Variants in ATXN7L1 observed in about 807,000 individuals in gnomAD.
ATXN7L1 encodes ataxin 7 like 1, also known as ataxin-7-like protein 1.
In ATXN7L1, 15 loss-of-function variants were observed where a neutral mutation model predicts 70.8. The observed-to-expected ratio is 0.21, with a 90% CI of 0.14 to 0.33. The LOEUF (loss-of-function observed/expected upper bound fraction) is 0.33. Among genes scored for constraint, ATXN7L1 ranks in the 10% least tolerant of loss-of-function variants. The probability of loss-of-function intolerance (pLI) is 1.00; values close to 1 mark genes in which losing one functional copy is unlikely to be tolerated. For synonymous variants in ATXN7L1, 440 were observed against 445.1 expected (o/e 0.99, Z 0.14); for missense variants, 975 against 1,097.1 (o/e 0.89, Z 1.57).
chr7:105,790,626 CT>C (rs1805020593), intron 2 of ATXN7L1, among the ~76,000 whole-genome samples: 1 of 150,670 alleles, frequency 6.6e-6, no homozygotes, highest in Non-Finnish European at 1.5e-5. Flanking sequence ...ATCTATCTAT[CT>C]ATCTATCTAT....
At chr7:105,776,494 C>T (rs985207650) in intron 3 of ATXN7L1, among the ~76,000 whole-genome samples, 5 of 33,242 alleles carry the variant, frequency 1.5e-4, no homozygotes, top group African/African-American at 9.1e-4. Flanking sequence ...AAACAAACAA[C>T]CCCCCCCCCA....
chr7:105,658,943 G>A (rs1801139261), intron 4 of ATXN7L1, among the ~76,000 whole-genome samples: 2 of 152,172 alleles, frequency 1.3e-5, no homozygotes, highest in Admixed American at 6.5e-5. Flanking sequence ...TCAAGACCAG[G>A]CTGGCTAAGA....
rs755702183 is a variant in ATXN7L1 at position 105,607,086 on chromosome 7, T to C, written c.*766A>G. On this transcript the variant is annotated 3_prime_UTR_variant, in exon 12 of 12. Transcript: ENST00000419735. ...TTTAGGGATCATCTCCTACCCACCATGCTCTGCTTGCTGCCACCTTCCCAA... is the reference window on the plus strand; with the variant it reads ...TTTAGGGATCATCTCCTACCCACCACGCTCTGCTTGCTGCCACCTTCCCAA... 1.3e-5 allele frequency: 2 copies of C among 153,020 alleles called. No homozygotes were observed. The highest frequency in any genetic ancestry group is 6.5e-5 in the Admixed American group (1 of 15,296). The allele number at this position is 153,020 out of a possible 1,614,324, so 9.5% of individuals were successfully genotyped here. A position where few individuals can be genotyped will look rare whatever the true frequency, so the allele number is the denominator to read the frequency against.
intron 4 of ATXN7L1, among the ~76,000 whole-genome samples, chr7:105,659,266 A>G (rs989086519): frequency 5.3e-5 from 8 of 152,256 alleles, no homozygotes; most frequent in African/African-American, 1.9e-4. Context: ...ATTCTAGACA[A>G]AAGGTCAGCC....
chr7:105,848,187 G>A (rs375887604), intron 2 of ATXN7L1, among the ~76,000 whole-genome samples: 2 of 152,162 alleles, frequency 1.3e-5, no homozygotes, highest in East Asian at 1.9e-4. Flanking sequence ...ACTAAAATAA[G>A]ATAACATTTG....
intron 3 of ATXN7L1, among the ~76,000 whole-genome samples, chr7:105,676,668 C>T (rs557716557): frequency 2.2e-4 from 33 of 152,210 alleles, no homozygotes; most frequent in African/African-American, 5.1e-4. Context: ...GGGAAAACTC[C>T]GTCTCTACTA....
intron 9 of ATXN7L1, among the ~76,000 whole-genome samples, chr7:105,616,806 G>A (rs540498290): frequency 3.3e-5 from 5 of 152,296 alleles, no homozygotes; most frequent in African/African-American, 1.2e-4. Context: ...TTCTTAGAGG[G>A]GGAGGAACCT....
At chr7:105,624,666 A>AAG in intron 7 of ATXN7L1, among the ~76,000 whole-genome samples, 1 of 150,714 alleles carries the variant, frequency 6.6e-6, no homozygotes, top group African/African-American at 2.4e-5. Flanking sequence ...AAAAAAAAAA[A>AAG]CAGCCTGATT....
chr7:105,710,693 G>A (rs925284356), intron 3 of ATXN7L1, among the ~76,000 whole-genome samples: 5 of 152,140 alleles, frequency 3.3e-5, no homozygotes, highest in Admixed American at 2.6e-4. Flanking sequence ...TTGCAGGCAT[G>A]AGCCACCACA....
intron 2 of ATXN7L1, among the ~76,000 whole-genome samples, chr7:105,798,830 T>C (rs1419695147): frequency 6.6e-6 from 1 of 152,174 alleles, no homozygotes; most frequent in Non-Finnish European, 1.5e-5. Context: ...TTTTCTTCTA[T>C]TTGGATGAAA....
chr7:105,771,514 A>C (rs1190899273), intron 3 of ATXN7L1, among the ~76,000 whole-genome samples: 1 of 152,174 alleles, frequency 6.6e-6, no homozygotes, highest in African/African-American at 2.4e-5. Flanking sequence ...TGAGCTGTGA[A>C]TGAAGTATCA....
At chr7:105,860,589 A>C (rs147520400) in intron 2 of ATXN7L1, among the ~76,000 whole-genome samples, 2 of 152,324 alleles carry the variant, frequency 1.3e-5, no homozygotes, top group East Asian at 3.9e-4. Flanking sequence ...TGAAAATACA[A>C]ATGGGAACTG....
At chr7:105,649,396 G>A in intron 4 of ATXN7L1, 1 of 987,574 alleles carries the variant, frequency 1.0e-6, no homozygotes, top group Non-Finnish European at 1.2e-6. Flanking sequence ...CTACGTGGGG[G>A]CGATATCTAC....
intron 3 of ATXN7L1, chr7:105,788,307 T>A (rs954114480): frequency 1.9e-5 from 6 of 316,320 alleles, no homozygotes; most frequent in Non-Finnish European, 3.6e-5. Flanking sequence ...AGCTCTCCCC[T>A]CCCCTGGTCA....
At chr7:105,681,596 A>G (rs1805563978) in intron 3 of ATXN7L1, among the ~76,000 whole-genome samples, 1 of 152,206 alleles carries the variant, frequency 6.6e-6, no homozygotes, top group African/African-American at 2.4e-5. Flanking sequence ...AAATGTGGGT[A>G]TACCCACATT....
At chr7:105,639,325 G>C (rs1797840192) in intron 6 of ATXN7L1, among the ~76,000 whole-genome samples, 162 bp downstream of exon 6, 2 of 149,994 alleles carry the variant, frequency 1.3e-5, no homozygotes, top group African/African-American at 4.9e-5. Context: ...CTTGAGGCAG[G>C]CACTCTGCTA....
intron 3 of ATXN7L1, among the ~76,000 whole-genome samples, chr7:105,746,367 C>T (rs1306207134): frequency 1.3e-5 from 2 of 152,206 alleles, no homozygotes; most frequent in African/African-American, 4.8e-5. Flanking sequence ...GACTGGATCC[C>T]TCCCTGAGCA....
chr7:105,814,698 GGAA>G (rs1438068117), intron 2 of ATXN7L1, among the ~76,000 whole-genome samples: 1 of 152,094 alleles, frequency 6.6e-6, no homozygotes, highest in African/African-American at 2.4e-5. Flanking sequence ...GAGAAAGGAA[GGAA>G]GAAGAGTCAG....
At chr7:105,661,306 G>C (rs1185325629) in intron 4 of ATXN7L1, among the ~76,000 whole-genome samples, 1 of 152,180 alleles carries the variant, frequency 6.6e-6, no homozygotes. Flanking sequence ...TCTAGGCAAA[G>C]GTACCAGGGG....
Sources: allele counts gnomAD v4.1 joint callset (sites outside exome capture counted in the v4.1 genomes callset), GRCh38; gene constraint gnomAD v4.1.1; transcripts MANE v1.5; gene names NCBI Gene and HGNC (gene_info 2026-07-23, HGNC 2026-07-21).